Variants in MITF observed in about 807,000 individuals in gnomAD.
MITF encodes microphthalmia-associated transcription factor.
MITF carries 17 observed loss-of-function variants against 60.5 expected under a neutral mutation model. The observed-to-expected ratio is 0.28, with a 90% CI of 0.19 to 0.42. The LOEUF (loss-of-function observed/expected upper bound fraction) is 0.42, where lower values mean the gene tolerates loss of function less well. Among genes scored for constraint, MITF ranks in the 10% least tolerant of loss-of-function variants. The probability of loss-of-function intolerance (pLI) is 1.00; values close to 1 mark genes in which losing one functional copy is unlikely to be tolerated. For missense variants in MITF, 622 were observed against 683.5 expected (o/e 0.91, Z 1.00); for synonymous variants, 260 against 248.5 (o/e 1.05, Z -0.43).
chr3:69,811,951 C>T (rs1040660234), intron 1 of MITF, among the ~76,000 whole-genome samples: 4 of 152,164 alleles, frequency 2.6e-5, no homozygotes, highest in African/African-American at 9.7e-5. Context: ...CTCAGGGCCC[C>T]ACCTGTATTT....
At chr3:69,840,936 A>G (rs1476769607) in intron 1 of MITF, among the ~76,000 whole-genome samples, 7 of 151,964 alleles carry the variant, frequency 4.6e-5, no homozygotes, top group Non-Finnish European at 8.8e-5. Context: ...TTGCATTTTT[A>G]GTAGAGATGG....
rs58440406 is a variant in MITF at position 69,792,998 on chromosome 3, C to CTTTTTTTTT, written c.104+53322_104+53330dup. ...TTGTTTTATGGGCTAAAGTCTTTAGCTTTTTTTTTTTTTTTTTTTTTTTTT... is the reference window on the plus strand; with the variant it reads ...TTGTTTTATGGGCTAAAGTCTTTAGCTTTTTTTTTTTTTTTTTTTTTTTTTTTTTTTTTT... On this transcript the variant is annotated intron_variant, in intron 1 of 9. Coordinates refer to ENST00000352241, the MANE Select transcript of MITF (RefSeq NM_001354604.2). Among the ~76,000 whole-genome samples the CTTTTTTTTT allele has an allele frequency of 5.1e-4, 16 of 31,096 alleles. 5 individuals carry two copies. In the East Asian group the frequency reaches 5.3e-3, roughly 10 times the overall value. 20.4% of individuals were successfully genotyped at this position (31,096 alleles called of 152,430 possible). A position where few individuals can be genotyped will look rare whatever the true frequency, so the allele number is the denominator to read the frequency against.
At chr3:69,864,945 C>T (rs529633949) in intron 1 of MITF, among the ~76,000 whole-genome samples, 1 of 152,266 alleles carries the variant, frequency 6.6e-6, no homozygotes, top group East Asian at 1.9e-4. Flanking sequence ...TTAACTTTTT[C>T]ACCTCTCTGC....
chr3:69,831,972 G>C (rs1461276052), intron 1 of MITF, among the ~76,000 whole-genome samples: 1 of 152,170 alleles, frequency 6.6e-6, no homozygotes, highest in Non-Finnish European at 1.5e-5. Context: ...TAGCCAGCCA[G>C]TCTCCCGGAG....
intron 1 of MITF, among the ~76,000 whole-genome samples, chr3:69,769,232 G>A (rs1454522416): frequency 1.3e-5 from 2 of 152,042 alleles, no homozygotes; most frequent in Non-Finnish European, 1.5e-5. Flanking sequence ...CAATAATGAT[G>A]ATGATAATAA....
intron 2 of MITF, among the ~76,000 whole-genome samples, chr3:69,892,444 C>T (rs1575898431): frequency 1.3e-5 from 2 of 152,092 alleles, no homozygotes; most frequent in East Asian, 3.9e-4. Flanking sequence ...ATCATTATCA[C>T]CCAAAGTCCA....
intron 1 of MITF, among the ~76,000 whole-genome samples, chr3:69,796,759 G>T (rs2062838327): frequency 6.6e-6 from 1 of 150,394 alleles, no homozygotes; most frequent in African/African-American, 2.5e-5. Context: ...ACCCGCCTCG[G>T]CCTCCCAAAG....
chr3:69,827,183 G>A (rs2063369251), intron 1 of MITF, among the ~76,000 whole-genome samples: 1 of 152,170 alleles, frequency 6.6e-6, no homozygotes, highest in Non-Finnish European at 1.5e-5. Flanking sequence ...ACCACTGCCA[G>A]TTGAGTTCTT....
At chr3:69,870,440 AT>A (rs1356293333) in intron 1 of MITF, among the ~76,000 whole-genome samples, 31 of 135,252 alleles carry the variant, frequency 2.3e-4, no homozygotes, top group African/African-American at 7.5e-4. Context: ...ATATATATAT[AT>A]TTTTTTTTTT....
In MITF at chr3:69,749,057, T is replaced by C. The variant is rs28477175; in HGVS notation, c.104+9356T>C. On this transcript the variant is annotated intron_variant, in intron 1 of 9. Transcript: ENST00000352241. ...AAAACATACATTTTATTTTTTACAG[T>C]TGGAGATTTGAAATTTGGTGAAAGG... Among the ~76,000 whole-genome samples the C allele has an allele frequency of 7.4e-3, 1,122 of 152,282 alleles. 15 individuals carry two copies. Among genetic ancestry groups the C allele is most frequent in the African/African-American group, 0.025 (1,044 of 41,544 alleles).
At chr3:69,882,312 A>G (rs376816616) in intron 2 of MITF, among the ~76,000 whole-genome samples, 19 of 152,190 alleles carry the variant, frequency 1.2e-4, no homozygotes, top group African/African-American at 4.6e-4. Context: ...TCTGGTTTCT[A>G]TATTGATTTA....
intron 2 of MITF, among the ~76,000 whole-genome samples, chr3:69,898,001 G>A (rs1265531913): frequency 6.6e-6 from 1 of 152,144 alleles, no homozygotes; most frequent in Non-Finnish European, 1.5e-5. Context: ...TTCGTTTTAG[G>A]ATACAGTGAA....
chr3:69,925,924 C>T (rs1223173155), intron 2 of MITF, among the ~76,000 whole-genome samples: 4 of 151,982 alleles, frequency 2.6e-5, no homozygotes, highest in Admixed American at 2.6e-4. Context: ...GATTCTTATT[C>T]CTTTGTTGGT....
At chr3:69,815,862 C>T (rs1040673206) in intron 1 of MITF, among the ~76,000 whole-genome samples, 9 of 152,130 alleles carry the variant, frequency 5.9e-5, no homozygotes, top group Non-Finnish European at 1.0e-4. Flanking sequence ...TGGATCATTT[C>T]CTTGGGATCA....
chr3:69,742,154 T>C (rs1445250097), intron 1 of MITF, among the ~76,000 whole-genome samples: 4 of 152,184 alleles, frequency 2.6e-5, no homozygotes, highest in Non-Finnish European at 5.9e-5. Context: ...ATTTTCAGTA[T>C]AGTAGCCACA....
At chr3:69,913,949 T>C (rs952700806) in intron 2 of MITF, among the ~76,000 whole-genome samples, 21 of 152,170 alleles carry the variant, frequency 1.4e-4, no homozygotes, top group African/African-American at 4.8e-4. Flanking sequence ...TTTTCTTCCT[T>C]TTTGAAATGT....
intron 1 of MITF, among the ~76,000 whole-genome samples, chr3:69,838,187 A>G (rs146509657): frequency 2.0e-5 from 3 of 152,310 alleles, no homozygotes; most frequent in Non-Finnish European, 2.9e-5. Context: ...ATTAATTTTA[A>G]AAGATGGTTT....
intron 1 of MITF, among the ~76,000 whole-genome samples, chr3:69,765,662 T>G (rs1322928663): frequency 1.3e-5 from 2 of 152,250 alleles, no homozygotes; most frequent in Non-Finnish European, 2.9e-5. Flanking sequence ...CTGTTATCTT[T>G]CATAAGAGAG....
chr3:69,950,730 A>G (rs750597429), intron 6 of MITF, among the ~76,000 whole-genome samples: 49 of 151,986 alleles, frequency 3.2e-4, no homozygotes, highest in Non-Finnish European at 5.9e-4. Flanking sequence ...TGCTTCAGCT[A>G]TCACTTCTGA....
Sources: allele counts gnomAD v4.1 joint callset (sites outside exome capture counted in the v4.1 genomes callset), GRCh38; gene constraint gnomAD v4.1.1; transcripts MANE v1.5; gene names NCBI Gene and HGNC (gene_info 2026-07-23, HGNC 2026-07-21).